The following EXO1 variants were observed in gnomAD, a reference collection of about 807,000 sequenced individuals.
The protein encoded by EXO1 is exonuclease 1.
A neutral mutation model predicts 84.5 loss-of-function variants in EXO1; 69 were observed. The ratio of observed to expected loss-of-function variants is 0.82; its 90% CI spans 0.67 to 1.00. The LOEUF (loss-of-function observed/expected upper bound fraction) is 1.00, where lower values mean the gene tolerates loss of function less well. Among genes scored for constraint, EXO1 ranks in the 50% least tolerant of loss-of-function variants. The probability of loss-of-function intolerance (pLI) is 0.00; values close to 1 mark genes in which losing one functional copy is unlikely to be tolerated. For synonymous variants in EXO1, 373 were observed against 366.1 expected, an observed-to-expected ratio of 1.02 and a Z score of -0.21; for missense variants, 1,045 against 1,000.7, an observed-to-expected ratio of 1.04 and a Z score of -0.60.
chr1:241,858,126 T>C (rs1319250912), intron 7 of EXO1, among the ~76,000 whole-genome samples: 1 of 152,224 alleles, frequency 6.6e-6, no homozygotes, highest in African/African-American at 2.4e-5. Context: ...ACAATAAACA[T>C]GAATTGCTTC....
At chr1:241,885,232 A>ATAAATAAATAAATAAATAAATAAG (rs1296876717) in intron 14 of EXO1, 82 bp from the exon 15 acceptor site, 2 of 779,902 alleles carry the variant, frequency 2.6e-6, no homozygotes, top group African/African-American at 3.6e-5. Flanking sequence ...AAATAAATAA[A>ATAAATAAATAAATAAATAAATAAG]TAAGTAAAGA....
chr1:241,850,325 G>A (rs1369550943), intron 3 of EXO1, 84 bp from the exon 4 acceptor site: 1 of 982,206 alleles, frequency 1.0e-6, no homozygotes, highest in African/African-American at 1.6e-5. Context: ...TGGACTCCAA[G>A]CTTTCTCTTC....
At chr1:241,873,056 G>A (rs1439014167) in intron 12 of EXO1, among the ~76,000 whole-genome samples, 4 of 150,788 alleles carry the variant, frequency 2.7e-5, no homozygotes, top group Admixed American at 2.0e-4. Context: ...TCTAACTGAC[G>A]TGAGATGGTA....
Position 241,879,164 on chromosome 1 carries a change from C to T in EXO1, c.1930C>T (p.Pro644Ser), listed in dbSNP as rs200876518. 4.3e-4 allele frequency: 692 copies of T among 1,607,806 alleles called. No individual in the cohort carries two copies. The highest frequency in any genetic ancestry group is 5.6e-4 in the Non-Finnish European group (653 of 1,174,694). The stretch of plus-strand genomic sequence containing the variant: ...AAAGAGCGATTCCCCCACCTCTTTG[C>T]CTGAGAATAATATGTCTGATGTGTC... ...RRKSDSPTSL[P>S]ENNMSDVSQL... Residue 644 changes from proline to serine, a missense_variant, in exon 13 of 16, where the codon CCT becomes TCT. Physicochemically the swap from Pro to Ser is moderately conservative, Grantham distance 74. Transcript: ENST00000366548.
chr1:241,858,565 A>G lies in EXO1; in HGVS notation c.603A>G (p.Gly201=), dbSNP rs1352535956. ...NGLEIDQARL[G]MCRQLGDVFT... is the part of the protein sequence containing the mutation. Reference sequence around the variant, plus strand: ...TTGAAATTGATCAAGCTCGGCTAGGAATGTGCAGACAGCTTGGGGATGTAT... The same window carrying G: ...TTGAAATTGATCAAGCTCGGCTAGGGATGTGCAGACAGCTTGGGGATGTAT... Residue 201 remains glycine, a synonymous_variant, in exon 8 of 16, where the codon GGA becomes GGG. Transcript: ENST00000366548. 6.2e-7 allele frequency: 1 copy of G among 1,614,168 alleles called. No individual in the cohort carries two copies. Among genetic ancestry groups the G allele is most frequent in the South Asian group, 1.1e-5 (1 of 91,076 alleles).
At position 241,881,970 on chromosome 1, in the gene EXO1, C is replaced by T. The variant is rs565775524; in HGVS notation, c.2164C>T (p.Leu722=). Residue 722 remains leucine, a synonymous_variant, in exon 14 of 16, where the codon CTA becomes TTA. Coordinates refer to ENST00000366548, the MANE Select transcript of EXO1 (RefSeq NM_130398.4). ...LDSQSDQTSK[L]RLSHFSKKDT... The stretch of plus-strand genomic sequence containing the variant: ...CAGTCAAAGTGACCAGACCTCCAAG[C>T]TACGTTTATCTCATTTCTCAAAAAA... 1 of 1,583,386 alleles carries T rather than the reference C, an allele frequency of 6.3e-7. No homozygotes were observed. The highest frequency in any genetic ancestry group is 8.7e-7 in the Non-Finnish European group (1 of 1,154,104).
chr1:241,849,342 T>C (rs1387209323), intron 3 of EXO1, 126 bp downstream of exon 3: 2 of 152,132 alleles, frequency 1.3e-5, no homozygotes, highest in Admixed American at 6.5e-5. Context: ...CTTTTTATTG[T>C]AGAGTGGGGG....
chr1:241,877,282 TGTTTGTTGCTAGCCAA>T (rs1169245551), intron 12 of EXO1, among the ~76,000 whole-genome samples: 2 of 152,198 alleles, frequency 1.3e-5, no homozygotes, highest in African/African-American at 4.8e-5. Context: ...GTTTTACTTC[TGTTTGTTGCTAGCCAA>T]GTAATTTTAT....
At chr1:241,862,435 C>G (rs1449699841) in intron 10 of EXO1, among the ~76,000 whole-genome samples, 1 of 152,196 alleles carries the variant, frequency 6.6e-6, no homozygotes, top group Non-Finnish European at 1.5e-5. Context: ...TCCAGTCTCT[C>G]GCCTGTGCAC....
intron 11 of EXO1, among the ~76,000 whole-genome samples, chr1:241,870,263 A>G (rs1003542677): frequency 3.3e-5 from 5 of 152,194 alleles, no homozygotes; most frequent in African/African-American, 1.2e-4. Context: ...TCCCCTTTCT[A>G]TACACACAAA....
At chr1:241,855,697 G>A (rs1366015574) in intron 6 of EXO1, among the ~76,000 whole-genome samples, 1 of 152,230 alleles carries the variant, frequency 6.6e-6, no homozygotes, top group Non-Finnish European at 1.5e-5. Context: ...GCTCAGGCAT[G>A]GCGGGCTGCA....
At chr1:241,859,873 C>A (rs1318473350) in intron 8 of EXO1, among the ~76,000 whole-genome samples, 1 of 152,140 alleles carries the variant, frequency 6.6e-6, no homozygotes, top group Non-Finnish European at 1.5e-5. Context: ...GCAGAAATTT[C>A]ATTTTTCTAT....
intron 15 of EXO1, among the ~76,000 whole-genome samples, chr1:241,886,328 A>T (rs1164345716): frequency 6.6e-6 from 1 of 152,244 alleles, no homozygotes; most frequent in African/African-American, 2.4e-5. Flanking sequence ...AATTTTTGTT[A>T]ACCATAATAC....
Position 241,857,352 on chromosome 1 carries a change from G to T in EXO1, c.413G>T (p.Arg138Leu). ...AMAHKVIKAA[R>L]SQGVDCLVAP... is the part of the protein sequence containing the mutation. ...TGTGATTCTCTCTTCTAGGCTGCCC[G>T]GTCTCAGGGGGTAGATTGCCTCGTG... The change falls in exon 7 of 16, where the codon CGG (arginine) becomes CTG (leucine). Residue 138 changes from arginine to leucine, a missense_variant. By Grantham distance (102) the Arg-to-Leu change is moderately radical. Transcript: ENST00000366548. 1.2e-6 allele frequency: 2 copies of T among 1,613,434 alleles called. No homozygotes were observed. Among genetic ancestry groups the T allele is most frequent in the Non-Finnish European group, 1.7e-6 (2 of 1,179,650 alleles).
intron 15 of EXO1, among the ~76,000 whole-genome samples, chr1:241,886,516 C>T (rs1430437375): frequency 9.2e-5 from 14 of 152,222 alleles, no homozygotes; most frequent in Admixed American, 7.2e-4. Flanking sequence ...GAGTGGGAAA[C>T]ACTTTGTAAA....
At chr1:241,869,637 G>A (rs1661960487) in intron 11 of EXO1, among the ~76,000 whole-genome samples, 1 of 151,968 alleles carries the variant, frequency 6.6e-6, no homozygotes, top group South Asian at 2.1e-4. Flanking sequence ...CTGAACCTTT[G>A]TTTCTTCATA....
intron 8 of EXO1, 149 bp downstream of exon 8, chr1:241,858,867 T>G (rs922597977): frequency 1.3e-5 from 9 of 682,132 alleles, no homozygotes; most frequent in East Asian, 8.2e-5. Flanking sequence ...ACTAGAACTT[T>G]GCCTTAGCAA....
intron 10 of EXO1, among the ~76,000 whole-genome samples, chr1:241,863,866 A>G (rs1311100028): frequency 6.6e-6 from 1 of 152,248 alleles, no homozygotes; most frequent in Non-Finnish European, 1.5e-5. Context: ...AGTGGCTAAC[A>G]TAGTGGACAG....
At position 241,885,325 on chromosome 1, in the gene EXO1, A is replaced by G. The variant is rs1212560164; in HGVS notation, c.2223A>G (p.Leu741=). 8 of 1,613,172 alleles carry G rather than the reference A, an allele frequency of 5.0e-6. No individual in the cohort carries two copies. Among genetic ancestry groups the G allele is most frequent in the Admixed American group, 1.7e-5 (1 of 59,976 alleles). ...DTPLRNKVPG[L]YKSSSADSLS... ...TGTTTAATCTTCAGGTTCCTGGGCT[A>G]TATAAGTCCAGTTCTGCAGACTCTC... The change falls in exon 15 of 16, where the codon CTA becomes CTG. Residue 741 remains leucine, a synonymous_variant. Coordinates refer to ENST00000366548, the MANE Select transcript of EXO1 (RefSeq NM_130398.4).
Sources: gnomAD v4.1 joint callset for allele counts (sites outside exome capture counted in the v4.1 genomes callset) on GRCh38, gnomAD v4.1.1 for gene constraint, MANE v1.5 for transcripts, NCBI Gene and HGNC (gene_info 2026-07-23, HGNC 2026-07-21) for gene names.